Variants in CDH8 observed in about 807,000 individuals in gnomAD.
The protein encoded by CDH8 is cadherin 8, also known as cadherin-8.
In CDH8, 17 loss-of-function variants were observed where a neutral mutation model predicts 68.1. The observed-to-expected ratio is 0.25, with a 90% CI of 0.17 to 0.37. The LOEUF (loss-of-function observed/expected upper bound fraction) is 0.37, where lower values mean the gene tolerates loss of function less well. Among genes scored for constraint, CDH8 ranks in the 10% least tolerant of loss-of-function variants. The probability of loss-of-function intolerance (pLI) is 1.00; values close to 1 mark genes in which losing one functional copy is unlikely to be tolerated. For synonymous variants in CDH8, 372 were observed against 365.1 expected (o/e 1.02, Z -0.21); for missense variants, 763 against 999.3 (o/e 0.76, Z 3.19).
At chr16:62,027,983 A>G (rs1173611967) in intron 1 of CDH8, among the ~76,000 whole-genome samples, 1 of 151,632 alleles carries the variant, frequency 6.6e-6, no homozygotes, top group Non-Finnish European at 1.5e-5. Context: ...ATCAGACCAC[A>G]TATTTATCCA....
At chr16:61,782,042 T>C (rs1040598486) in intron 8 of CDH8, among the ~76,000 whole-genome samples, 1 of 152,220 alleles carries the variant, frequency 6.6e-6, no homozygotes, top group African/African-American at 2.4e-5. Flanking sequence ...GCATGTTCTC[T>C]GCCTGCACTC....
At chr16:61,935,710 T>C (rs1185615530) in intron 2 of CDH8, among the ~76,000 whole-genome samples, 1 of 152,160 alleles carries the variant, frequency 6.6e-6, no homozygotes, top group Non-Finnish European at 1.5e-5. Context: ...TACTGTGAAT[T>C]AAAAGCACCT....
chr16:61,863,475 G>A (rs985676998), intron 3 of CDH8, among the ~76,000 whole-genome samples: 4 of 152,110 alleles, frequency 2.6e-5, no homozygotes, highest in South Asian at 2.1e-4. Context: ...CTGTGTTAGC[G>A]AGGCTATACT....
intron 1 of CDH8, among the ~76,000 whole-genome samples, chr16:62,023,142 A>G (rs575263979): frequency 1.2e-4 from 19 of 152,322 alleles, no homozygotes; most frequent in Middle Eastern, 3.4e-3. Context: ...GGCAGGCTTC[A>G]AAACTTAAAC....
rs919295865 is a variant in CDH8, at chr16:61,652,172, G to A, written c.*1436C>T. 1.2e-5 allele frequency: 12 copies of A among 982,072 alleles called. No homozygotes were observed. Among genetic ancestry groups the A allele is most frequent in the Admixed American group, 6.2e-5 (1 of 16,246 alleles). 60.8% of individuals were successfully genotyped at this position (982,072 alleles called of 1,614,324 possible). ...TATCATACATTTTCTACTCCTAAAT[G>A]GCAGGTTTGCATTACAAATTAAATA... On this transcript the variant is annotated 3_prime_UTR_variant, in exon 12 of 12. Coordinates refer to ENST00000577390, the MANE Select transcript of CDH8 (RefSeq NM_001796.5).
At chr16:61,688,554 A>C (rs910367158) in intron 10 of CDH8, among the ~76,000 whole-genome samples, 1 of 151,852 alleles carries the variant, frequency 6.6e-6, no homozygotes, top group Admixed American at 6.6e-5. Flanking sequence ...AATAATCCCA[A>C]ATGCAGCAGT....
chr16:61,844,132 T>C (rs900290666), intron 4 of CDH8, among the ~76,000 whole-genome samples: 1 of 151,694 alleles, frequency 6.6e-6, no homozygotes, highest in Admixed American at 6.6e-5. Flanking sequence ...TGTAGGGACA[T>C]GGATGAAACT....
intron 9 of CDH8, among the ~76,000 whole-genome samples, chr16:61,715,132 C>T (rs1567436974): frequency 6.6e-6 from 1 of 151,408 alleles, no homozygotes; most frequent in Non-Finnish European, 1.5e-5. Flanking sequence ...TTCTAGGTCT[C>T]CCTTTTTAAA....
At chr16:61,940,844 C>T (rs937686501) in intron 2 of CDH8, 2 of 152,220 alleles carry the variant, frequency 1.3e-5, no homozygotes, top group African/African-American at 4.8e-5. Flanking sequence ...GGAGAGATGC[C>T]TCCTTCTCTT....
intron 2 of CDH8, among the ~76,000 whole-genome samples, chr16:61,962,000 A>T (rs1348112985): frequency 6.6e-6 from 1 of 152,252 alleles, no homozygotes; most frequent in Non-Finnish European, 1.5e-5. Flanking sequence ...TATATTATAG[A>T]CATTATATGC....
intron 7 of CDH8, among the ~76,000 whole-genome samples, chr16:61,801,410 G>C (rs1324521342): frequency 6.6e-6 from 1 of 152,226 alleles, no homozygotes; most frequent in Non-Finnish European, 1.5e-5. Flanking sequence ...GGTAACCACT[G>C]TGGATTTGGG....
chr16:61,854,393 C>T (rs1291331884), intron 4 of CDH8, among the ~76,000 whole-genome samples: 1 of 152,048 alleles, frequency 6.6e-6, no homozygotes, highest in Non-Finnish European at 1.5e-5. Context: ...GTAATGTTTG[C>T]TCCAGGGGTC....
intron 2 of CDH8, among the ~76,000 whole-genome samples, chr16:61,959,799 AC>A (rs1158590256): frequency 3.4e-5 from 5 of 145,936 alleles, no homozygotes; most frequent in East Asian, 2.1e-4. Context: ...TGGTCATTAT[AC>A]CTTAACAAAT....
chr16:61,691,595 A>G (rs1272455179), intron 10 of CDH8, among the ~76,000 whole-genome samples: 1 of 151,898 alleles, frequency 6.6e-6, no homozygotes, highest in Non-Finnish European at 1.5e-5. Context: ...TACGATCTTT[A>G]GTAGGATTGT....
chr16:61,892,523 C>T (rs559375326), intron 3 of CDH8, among the ~76,000 whole-genome samples: 10 of 152,036 alleles, frequency 6.6e-5, no homozygotes, highest in African/African-American at 2.2e-4. Flanking sequence ...TACATTTATA[C>T]TTTTTTTTGC....
intron 4 of CDH8, among the ~76,000 whole-genome samples, chr16:61,838,003 T>C (rs191095766): frequency 6.6e-6 from 1 of 152,240 alleles, no homozygotes; most frequent in African/African-American, 2.4e-5. Context: ...AATAGAGAGT[T>C]ACTAAACAGA....
At position 61,690,877 on chromosome 16, in the gene CDH8, GA is replaced by G. The variant is rs137936092; in HGVS notation, c.1654+22963del. Reference sequence around the variant, plus strand: ...ATTGCAGTCTACAAAATCATTTTAAGAATTACCTCCATGTTGTTCTACTCAT... The same window carrying G: ...ATTGCAGTCTACAAAATCATTTTAAGATTACCTCCATGTTGTTCTACTCAT... On this transcript the variant is annotated intron_variant, in intron 10 of 11. Coordinates refer to ENST00000577390, the MANE Select transcript of CDH8 (RefSeq NM_001796.5). Among the ~76,000 whole-genome samples the G allele has an allele frequency of 9.5e-3, 1,449 of 152,058 alleles. 29 individuals carry two copies. The highest frequency in any genetic ancestry group is 0.033 in the African/African-American group (1,377 of 41,482).
intron 8 of CDH8, among the ~76,000 whole-genome samples, chr16:61,750,579 G>A (rs1004715707): frequency 6.6e-6 from 1 of 152,008 alleles, no homozygotes; most frequent in African/African-American, 2.4e-5. Context: ...ACAAATTTCT[G>A]TTTTTCCTAT....
At chr16:61,728,796 T>A (rs1959451272) in intron 8 of CDH8, among the ~76,000 whole-genome samples, 1 of 151,112 alleles carries the variant, frequency 6.6e-6, no homozygotes, top group South Asian at 2.1e-4. Flanking sequence ...GTGCTAAACA[T>A]GCACCTTTGG....
Sources: allele counts gnomAD v4.1 joint callset (sites outside exome capture counted in the v4.1 genomes callset), GRCh38; gene constraint gnomAD v4.1.1; transcripts MANE v1.5; gene names NCBI Gene and HGNC (gene_info 2026-07-23, HGNC 2026-07-21).